Variants in AMOTL1 observed in about 807,000 individuals in gnomAD.
The protein encoded by AMOTL1 is angiomotin-like protein 1.
In AMOTL1, 45 loss-of-function variants were observed where a neutral mutation model predicts 102.9. The observed-to-expected ratio is 0.44, with a 90% confidence interval of 0.34 to 0.56. AMOTL1 has a LOEUF of 0.56. Among genes scored for constraint, AMOTL1 ranks in the 20% least tolerant of loss-of-function variants. AMOTL1 has a pLI of 0.01. For synonymous variants in AMOTL1, 481 were observed against 484.7 expected, an observed-to-expected ratio of 0.99 and a Z score of 0.10; for missense variants, 1,114 against 1,225.6, an observed-to-expected ratio of 0.91 and a Z score of 1.36.
intron 3 of AMOTL1, among the ~76,000 whole-genome samples, chr11:94,817,146 C>T (rs528928744): frequency 6.6e-6 from 1 of 151,942 alleles, no homozygotes; most frequent in South Asian, 2.1e-4. Flanking sequence ...ATTTAATTGG[C>T]CTCATGCTGT....
At chr11:94,818,392 G>A (rs534996454) in intron 3 of AMOTL1, among the ~76,000 whole-genome samples, 1 of 152,326 alleles carries the variant, frequency 6.6e-6, no homozygotes, top group Non-Finnish European at 1.5e-5. Context: ...GGTATTTGCA[G>A]GCACAGGCTG....
chr11:94,768,821 C>T (rs1591946063), intron 1 of AMOTL1, among the ~76,000 whole-genome samples: 1 of 152,084 alleles, frequency 6.6e-6, no homozygotes, highest in African/African-American at 2.4e-5. Flanking sequence ...GTTTGGGCCC[C>T]GGGGTGCTGC....
Position 94,873,311 on chromosome 11 carries a change from A to G in AMOTL1, c.*2516A>G, listed in dbSNP as rs1953037391. The G allele has an allele frequency of 6.6e-6, 1 of 152,186 alleles. No homozygotes were observed. Among genetic ancestry groups the G allele is most frequent in the Non-Finnish European group, 1.5e-5 (1 of 68,038 alleles). 9.4% of individuals were successfully genotyped at this position (152,186 alleles called of 1,614,324 possible). ...CCTACTGAGACTCTTCCTTAAGAAC[A>G]GGATCTATAGCTTTAAAATGTCTTC... On this transcript the variant is annotated 3_prime_UTR_variant, in exon 13 of 13. Coordinates refer to ENST00000433060, the MANE Select transcript of AMOTL1 (RefSeq NM_130847.3).
Position 94,826,444 on chromosome 11 carries a change from C to T in AMOTL1, c.1414-3606C>T, listed in dbSNP as rs189255693. Among the ~76,000 whole-genome samples the T allele has an allele frequency of 6.6e-5, 10 of 152,220 alleles. No individual in the cohort carries two copies. The East Asian group carries it at 1.2e-3, about 18-fold the overall frequency. On this transcript the variant is annotated intron_variant, in intron 4 of 12. Coordinates refer to ENST00000433060, the MANE Select transcript of AMOTL1 (RefSeq NM_130847.3). ...ATAAAGAGAAGTGATTTATTTAGCT[C>T]GTGATTCTGCAGGCTGGGAAGTTTA...
Position 94,768,540 on chromosome 11 carries a change from C to T in AMOTL1, c.29C>T (p.Thr10Ile), listed in dbSNP as rs1950890253. The change falls in exon 1 of 13, where the codon ACT becomes ATT. Residue 10 changes from threonine (T) to isoleucine (I), a missense_variant. By Grantham distance (89) the Thr-to-Ile change is moderately conservative. Coordinates refer to ENST00000433060, the MANE Select transcript of AMOTL1 (RefSeq NM_130847.3). ...TGGAGGGCAAAGTTGCGCCGGGGAA[C>T]TTGTGAGCCTGCGGTGAAAGGTAAC... is the stretch of plus-strand genomic sequence containing the variant. MWRAKLRRG[T>I]CEPAVKGSPS... The T allele has an allele frequency of 6.2e-7, 1 of 1,601,048 alleles. No individual in the cohort carries two copies. Among genetic ancestry groups the T allele is most frequent in the South Asian group, 1.1e-5 (1 of 88,276 alleles).
intron 3 of AMOTL1, among the ~76,000 whole-genome samples, chr11:94,744,637 T>C (rs1250763611): frequency 6.6e-6 from 1 of 152,168 alleles, no homozygotes; most frequent in Non-Finnish European, 1.5e-5. Flanking sequence ...ACTTTTTTTT[T>C]CCTCAATGTA....
chr11:94,738,730 A>G (rs532366258), intron 2 of AMOTL1, among the ~76,000 whole-genome samples: 3 of 152,356 alleles, frequency 2.0e-5, no homozygotes, highest in African/African-American at 7.2e-5. Flanking sequence ...ACTAAAGTCC[A>G]TAAGGAAGGA....
intron 3 of AMOTL1, among the ~76,000 whole-genome samples, chr11:94,807,274 A>G (rs972661961): frequency 6.6e-6 from 1 of 152,198 alleles, no homozygotes; most frequent in African/African-American, 2.4e-5. Flanking sequence ...GTAAGTTGCA[A>G]AGCTCTATAT....
chr11:94,747,983 T>C (rs1404364568), intron 3 of AMOTL1, among the ~76,000 whole-genome samples: 1 of 152,154 alleles, frequency 6.6e-6, no homozygotes, highest in African/African-American at 2.4e-5. Context: ...TCTAGTTATA[T>C]GCCAGGAAAA....
rs527780488 is a variant in AMOTL1 at position 94,874,718 on chromosome 11, C to G, written c.*3923C>G. 6.6e-6 allele frequency: 1 copy of G among 152,176 alleles called. No individual in the cohort carries two copies. Among genetic ancestry groups the G allele is most frequent in the African/African-American group, 2.4e-5 (1 of 41,430 alleles). The allele number at this position is 152,176 out of a possible 1,614,324, so 9.4% of individuals were successfully genotyped here. A position where few individuals can be genotyped will look rare whatever the true frequency, so the allele number is the denominator to read the frequency against. Reference sequence around the variant, plus strand: ...GCTGAGAGAATGGGAAATTCTTCCTCCCCATTGACCTGAGTCCCAGAGACT... The same window carrying G: ...GCTGAGAGAATGGGAAATTCTTCCTGCCCATTGACCTGAGTCCCAGAGACT... On this transcript the variant is annotated 3_prime_UTR_variant, in exon 13 of 13. Transcript: ENST00000433060.
chr11:94,854,211 C>T (rs1261750312), intron 8 of AMOTL1, 129 bp downstream of exon 8: 6 of 1,189,184 alleles, frequency 5.0e-6, no homozygotes, highest in Non-Finnish European at 6.8e-6. Context: ...ACTCCCTGTC[C>T]TCAGTGAACC....
intron 1 of AMOTL1, among the ~76,000 whole-genome samples, chr11:94,714,428 A>G (rs937051800): frequency 6.6e-6 from 1 of 152,068 alleles, no homozygotes; most frequent in Non-Finnish European, 1.5e-5. Context: ...CTTCTTTTCT[A>G]TTTTGAAAAA....
intron 6 of AMOTL1, among the ~76,000 whole-genome samples, chr11:94,836,707 A>G (rs1047347655): frequency 1.3e-5 from 2 of 152,158 alleles, no homozygotes; most frequent in African/African-American, 4.8e-5. Context: ...ATCAGAATAA[A>G]AGCAATTTAA....
chr11:94,866,309 A>T, intron 11 of AMOTL1, 141 bp downstream of exon 11: 1 of 791,080 alleles, frequency 1.3e-6, no homozygotes, highest in Non-Finnish European at 2.0e-6. Context: ...GAAATCAGTC[A>T]TACTTCAGTT....
In AMOTL1 at chr11:94,854,345, A is replaced by G. The variant is rs116370531; in HGVS notation, c.1944+263A>G. Among the ~76,000 whole-genome samples the G allele has an allele frequency of 2.4e-3, 360 of 152,324 alleles. 4 individuals carry two copies. Among genetic ancestry groups the G allele is most frequent in the African/African-American group, 7.9e-3 (330 of 41,568 alleles). ...GGAATGCAGCATTAGATGACTTCAG[A>G]GAGGAAGACATTTGAGCTGGACATT... On this transcript the variant is annotated intron_variant, in intron 8 of 12. Transcript: ENST00000433060.
intron 3 of AMOTL1, among the ~76,000 whole-genome samples, chr11:94,758,927 A>C (rs1482128919): frequency 6.6e-6 from 1 of 152,338 alleles, no homozygotes; most frequent in African/African-American, 2.4e-5. Flanking sequence ...AGATGATCAC[A>C]GTCATGTTAC....
chr11:94,729,054 G>T, exon 2 of AMOTL1: 1 of 1,289,062 alleles, frequency 7.8e-7, no homozygotes, highest in African/African-American at 1.5e-5. Flanking sequence ...GCACCAGAGC[G>T]GGTAAGGCCG....
At chr11:94,855,728 T>G (rs1420109818) in intron 8 of AMOTL1, among the ~76,000 whole-genome samples, 1 of 152,198 alleles carries the variant, frequency 6.6e-6, no homozygotes, top group African/African-American at 2.4e-5. Flanking sequence ...ATGTTAGAAT[T>G]ATTTGAAAAA....
chr11:94,783,228 C>G (rs1951136544), intron 1 of AMOTL1, among the ~76,000 whole-genome samples: 2 of 152,154 alleles, frequency 1.3e-5, no homozygotes, highest in African/African-American at 4.8e-5. Flanking sequence ...CTCATCTGAA[C>G]AATGGGGATA....
Sources: gnomAD v4.1 joint callset for allele counts (sites outside exome capture counted in the v4.1 genomes callset) on GRCh38, gnomAD v4.1.1 for gene constraint, MANE v1.5 for transcripts, NCBI Gene and HGNC (gene_info 2026-07-23, HGNC 2026-07-21) for gene names.